The following DENND1A variants were observed in gnomAD, a reference collection of about 807,000 sequenced individuals.
The protein encoded by DENND1A is DENN domain containing 1A.
DENND1A carries 51 observed loss-of-function variants against 113.7 expected under a neutral mutation model. The ratio of observed to expected loss-of-function variants is 0.45; its 90% confidence interval spans 0.36 to 0.57. DENND1A has a LOEUF of 0.57. Among genes scored for constraint, DENND1A ranks in the 20% least tolerant of loss-of-function variants. The pLI is 0.00. For missense variants in DENND1A, 1,258 were observed against 1,395.9 expected (o/e 0.90, Z 1.57); for synonymous variants, 565 against 570.8 (o/e 0.99, Z 0.14).
intron 2 of DENND1A, among the ~76,000 whole-genome samples, chr9:123,806,891 T>C (rs1835674955): frequency 6.6e-6 from 1 of 152,208 alleles, no homozygotes; most frequent in South Asian, 2.1e-4. Flanking sequence ...GCATTATCAA[T>C]GTCCTCACTC....
intron 9 of DENND1A, among the ~76,000 whole-genome samples, chr9:123,645,425 A>T (rs1305746840): frequency 2.0e-5 from 3 of 152,118 alleles, no homozygotes; most frequent in African/African-American, 7.2e-5. Flanking sequence ...CCCCCTCCGC[A>T]CCAGCCCCCA....
intron 18 of DENND1A, among the ~76,000 whole-genome samples, chr9:123,445,255 T>G (rs1588563827): frequency 6.6e-6 from 1 of 151,354 alleles, no homozygotes; most frequent in South Asian, 2.1e-4. Context: ...GGGGTTGGGG[T>G]GGGAGCTGAG....
At chr9:123,394,588 C>G (rs949926054) in intron 21 of DENND1A, among the ~76,000 whole-genome samples, 2 of 152,256 alleles carry the variant, frequency 1.3e-5, no homozygotes, top group African/African-American at 4.8e-5. Context: ...ACTTCTCAGT[C>G]TGTAGGTTCA....
At chr9:123,416,186 C>T (rs2044712333) in intron 19 of DENND1A, among the ~76,000 whole-genome samples, 1 of 152,108 alleles carries the variant, frequency 6.6e-6, no homozygotes, top group African/African-American at 2.4e-5. Context: ...TCCCATCTGA[C>T]TCAGCTCTGG....
intron 19 of DENND1A, among the ~76,000 whole-genome samples, chr9:123,420,140 C>A (rs2045127797): frequency 6.6e-6 from 1 of 152,176 alleles, no homozygotes; most frequent in African/African-American, 2.4e-5. Flanking sequence ...GCTGAGAGTC[C>A]ACTCACACAG....
intron 18 of DENND1A, 90 bp downstream of exon 18, chr9:123,450,603 A>C: frequency 9.5e-7 from 1 of 1,047,232 alleles, no homozygotes; most frequent in South Asian, 1.5e-5. Flanking sequence ...ACACTGTATC[A>C]AACAGCCCTC....
intron 1 of DENND1A, among the ~76,000 whole-genome samples, chr9:123,913,540 T>C (rs986110982): frequency 6.6e-6 from 1 of 151,178 alleles, no homozygotes; most frequent in Non-Finnish European, 1.5e-5. Context: ...TAAAAGCAAA[T>C]AATGCAAGAG....
chr9:123,678,909 A>G (rs1057358627), intron 5 of DENND1A, among the ~76,000 whole-genome samples: 4 of 152,170 alleles, frequency 2.6e-5, no homozygotes, highest in Non-Finnish European at 4.4e-5. Context: ...CTCCTTTCCT[A>G]TTCTGTTAAA....
chr9:123,800,500 T>G (rs1194972648), intron 2 of DENND1A, among the ~76,000 whole-genome samples: 1 of 152,250 alleles, frequency 6.6e-6, no homozygotes, highest in Non-Finnish European at 1.5e-5. Context: ...GGATTCAGCC[T>G]GAATCCATCA....
At chr9:123,539,860 G>T (rs930365538) in intron 13 of DENND1A, among the ~76,000 whole-genome samples, 1 of 146,152 alleles carries the variant, frequency 6.8e-6, no homozygotes, top group Non-Finnish European at 1.5e-5. Context: ...TCCAGCCTGG[G>T]TGAAAAAGTG....
chr9:123,802,034 C>T (rs1834757004), intron 2 of DENND1A, among the ~76,000 whole-genome samples: 1 of 152,142 alleles, frequency 6.6e-6, no homozygotes, highest in Non-Finnish European at 1.5e-5. Context: ...CAAAAGTACA[C>T]TGAATTTTTA....
In DENND1A at chr9:123,630,433, A is replaced by G; in HGVS notation, c.662T>C (p.Met221Thr). The G allele has an allele frequency of 6.2e-7, 1 of 1,605,304 alleles. No individual in the cohort carries two copies. Among genetic ancestry groups the G allele is most frequent in the Non-Finnish European group, 8.5e-7 (1 of 1,175,364 alleles). The change falls in exon 10 of 24, where the codon ATG (methionine) becomes ACG (threonine). Residue 221 changes from methionine to threonine, a missense_variant. Physicochemically the swap from Met to Thr is moderately conservative, Grantham distance 81. Transcript: ENST00000394215. ...IHGSAAMLYP[M>T]YWQHVYIPVL... is the part of the protein sequence containing the mutation. ...GGGGATGTACACGTGCTGCCAGTACATGGGGTAGAGCATCGCCGCAGACCC... is the reference window on the plus strand; with the variant it reads ...GGGGATGTACACGTGCTGCCAGTACGTGGGGTAGAGCATCGCCGCAGACCC...
intron 13 of DENND1A, among the ~76,000 whole-genome samples, chr9:123,471,169 G>A (rs980355595): frequency 1.3e-5 from 2 of 152,174 alleles, no homozygotes; most frequent in Admixed American, 1.3e-4. Context: ...AATGTGTCAC[G>A]ATGCACAGTG....
intron 5 of DENND1A, among the ~76,000 whole-genome samples, chr9:123,753,680 T>G (rs2070267496): frequency 6.7e-6 from 1 of 149,714 alleles, no homozygotes; most frequent in African/African-American, 2.5e-5. Flanking sequence ...ATATCTTGGA[T>G]AAGCACTACA....
chr9:123,661,421 C>G (rs559943467), intron 8 of DENND1A, among the ~76,000 whole-genome samples: 5 of 152,332 alleles, frequency 3.3e-5, no homozygotes, highest in African/African-American at 4.8e-5. Context: ...ATATTAGATG[C>G]TGACATGTCA....
intron 5 of DENND1A, among the ~76,000 whole-genome samples, chr9:123,748,175 G>A (rs2069684581): frequency 6.6e-6 from 1 of 152,092 alleles, no homozygotes; most frequent in Non-Finnish European, 1.5e-5. Context: ...AATATTTAAT[G>A]ACATGTAAAG....
chr9:123,630,367 C>G lies in DENND1A; in HGVS notation c.719+9G>C. On this transcript the variant is annotated intron_variant, in intron 10 of 23. Coordinates refer to ENST00000394215, the MANE Select transcript of DENND1A (RefSeq NM_001352964.2). ...AAGGAGAAGCAGAGGACAGGGCCAG[C>G]CACCTTACCAGCAGTAGTCCAGCAG... The G allele has an allele frequency of 1.9e-6, 3 of 1,581,352 alleles. No individual in the cohort carries two copies. Among genetic ancestry groups the G allele is most frequent in the Non-Finnish European group, 2.6e-6 (3 of 1,160,356 alleles).
At chr9:123,780,304 T>C (rs1467811429) in intron 3 of DENND1A, among the ~76,000 whole-genome samples, 1 of 152,048 alleles carries the variant, frequency 6.6e-6, no homozygotes, top group Non-Finnish European at 1.5e-5. Flanking sequence ...AAATTGACCA[T>C]TATCTCTAGA....
Position 123,774,540 on chromosome 9 carries a change from C to T in DENND1A, c.133-4977G>A, listed in dbSNP as rs115451631. On this transcript the variant is annotated intron_variant, in intron 3 of 23. Coordinates refer to ENST00000394215, the MANE Select transcript of DENND1A (RefSeq NM_001352964.2). The stretch of plus-strand genomic sequence containing the variant: ...AAATCTAAGATCCATAGTATAATTA[C>T]AACCAAATTTTTATTTTTTTTCAGT... Among the ~76,000 whole-genome samples the T allele has an allele frequency of 9.3e-4, 141 of 152,154 alleles. 1 individual carries two copies. The highest frequency in any genetic ancestry group is 3.2e-3 in the African/African-American group (134 of 41,512).
Sources: allele counts gnomAD v4.1 joint callset (sites outside exome capture counted in the v4.1 genomes callset), GRCh38; gene constraint gnomAD v4.1.1; transcripts MANE v1.5; gene names NCBI Gene and HGNC (gene_info 2026-07-23, HGNC 2026-07-21).